LRRC7: variants seen among roughly 807,000 people sequenced by gnomAD.
LRRC7 encodes leucine-rich repeat-containing protein 7.
LRRC7 carries 23 observed loss-of-function variants against 175.7 expected under a neutral mutation model. The ratio of observed to expected loss-of-function variants is 0.13; its 90% CI spans 0.09 to 0.19. The LOEUF is 0.19. Ranked by LOEUF, LRRC7 falls within the 10% of genes least tolerant of loss-of-function variation. LRRC7 has a pLI of 1.00. For synonymous variants in LRRC7, 685 were observed against 680.9 expected, an observed-to-expected ratio of 1.01 and a Z score of -0.09; for missense variants, 1,354 against 1,904.7, an observed-to-expected ratio of 0.71 and a Z score of 5.38.
chr1:69,578,402 G>A (rs1453515977), intron 1 of LRRC7, among the ~76,000 whole-genome samples: 2 of 147,360 alleles, frequency 1.4e-5, no homozygotes, highest in Admixed American at 6.8e-5. Context: ...CAGGGATCTA[G>A]AACTAGAAAT....
chr1:69,852,246 A>ATATATCT (rs1264808176), intron 7 of LRRC7, among the ~76,000 whole-genome samples: 6 of 152,046 alleles, frequency 3.9e-5, no homozygotes, highest in Admixed American at 6.6e-5. Context: ...GAAAAACTAC[A>ATATATCT]TATATCTTAT....
At chr1:69,803,828 A>C (rs12402831) in intron 4 of LRRC7, among the ~76,000 whole-genome samples, 28,224 of 151,052 alleles carry the variant, frequency 0.19, 3,383 homozygotes, top group Middle Eastern at 0.35. Flanking sequence ...TCTTTCATAA[A>C]TCTCTACTAC....
At chr1:69,584,706 G>A (rs1569700855) in intron 1 of LRRC7, among the ~76,000 whole-genome samples, 1 of 151,994 alleles carries the variant, frequency 6.6e-6, no homozygotes, top group Non-Finnish European at 1.5e-5. Flanking sequence ...TTATTGCTTT[G>A]CAATTTCTTT....
chr1:69,882,390 A>C (rs1283953010), intron 7 of LRRC7, among the ~76,000 whole-genome samples: 2 of 152,162 alleles, frequency 1.3e-5, no homozygotes, highest in African/African-American at 4.8e-5. Flanking sequence ...AAAAAAATCA[A>C]AGAGAGATTT....
intron 23 of LRRC7, among the ~76,000 whole-genome samples, chr1:70,071,629 A>T (rs1313324383): frequency 1.3e-5 from 2 of 152,238 alleles, no homozygotes; most frequent in African/African-American, 4.8e-5. Flanking sequence ...TAAGTAAGTT[A>T]TCCTTTGGAG....
chr1:69,975,160 T>A (rs1652680484), intron 8 of LRRC7, among the ~76,000 whole-genome samples: 1 of 152,154 alleles, frequency 6.6e-6, no homozygotes, highest in Non-Finnish European at 1.5e-5. Context: ...TAGAGAAATT[T>A]CAGAGGTATG....
intron 1 of LRRC7, among the ~76,000 whole-genome samples, chr1:69,580,901 T>TTGA (rs1646173820): frequency 1.3e-5 from 2 of 152,300 alleles, no homozygotes; most frequent in East Asian, 3.9e-4. Flanking sequence ...AGTAGCATCT[T>TTGA]TGATGAACTG....
At chr1:69,760,883 A>G (rs1288162620) in intron 3 of LRRC7, among the ~76,000 whole-genome samples, 1 of 152,026 alleles carries the variant, frequency 6.6e-6, no homozygotes, top group Non-Finnish European at 1.5e-5. Flanking sequence ...TGATTATTAC[A>G]AGTAGCACTG....
At chr1:70,078,612 G>A (rs969731919) in intron 24 of LRRC7, among the ~76,000 whole-genome samples, 2 of 151,974 alleles carry the variant, frequency 1.3e-5, no homozygotes, top group African/African-American at 2.4e-5. Flanking sequence ...GAGATACTAG[G>A]ACTAGGTCTC....
intron 7 of LRRC7, among the ~76,000 whole-genome samples, chr1:69,873,120 A>G (rs1685717636): frequency 6.6e-6 from 1 of 152,142 alleles, no homozygotes; most frequent in African/African-American, 2.4e-5. Flanking sequence ...AGAAGCTTGG[A>G]AGTGATAGTG....
Position 70,099,453 on chromosome 1 carries a change from T to C in LRRC7, c.4546-8299T>C, listed in dbSNP as rs1664659198. 1.4e-5 allele frequency among the ~76,000 whole-genome samples: 2 copies of C among 147,812 alleles called. 1 individual carries two copies. Among genetic ancestry groups the C allele is most frequent in the South Asian group, 4.4e-4 (2 of 4,500 alleles). ...CTCTCACCACTCCTATTCAACATAG[T>C]GTTGGAAGTTCTGGCCAGGGCAATT... is the stretch of plus-strand genomic sequence containing the variant. On this transcript the variant is annotated intron_variant, in intron 25 of 26. Coordinates refer to ENST00000651989, the MANE Select transcript of LRRC7 (RefSeq NM_001370785.2).
intron 11 of LRRC7, among the ~76,000 whole-genome samples, chr1:70,006,097 C>G (rs1655971591): frequency 6.6e-6 from 1 of 151,786 alleles, no homozygotes; most frequent in South Asian, 2.1e-4. Context: ...AACAAAATAG[C>G]CACCAACAAG....
intron 8 of LRRC7, 130 bp downstream of exon 8, chr1:69,931,700 G>A: frequency 1.4e-6 from 1 of 740,658 alleles, no homozygotes; most frequent in South Asian, 1.8e-5. Flanking sequence ...TAAAAACCTG[G>A]AAGTTAATAT....
Position 69,904,315 on chromosome 1 carries a change from C to T in LRRC7, c.648-27192C>T, listed in dbSNP as rs1646229343. Among the ~76,000 whole-genome samples the T allele has an allele frequency of 2.0e-5, 3 of 151,946 alleles. No homozygotes were observed. In the South Asian group the frequency reaches 6.2e-4, roughly 31 times the overall value. ...CAATAAATATTAAAAAAGAAGAATA[C>T]TAATTTGAAAAATGTTAACATATTT... On this transcript the variant is annotated intron_variant, in intron 7 of 26. Transcript: ENST00000651989.
chr1:69,738,067 C>T (rs142532709), intron 2 of LRRC7, among the ~76,000 whole-genome samples: 215 of 152,068 alleles, frequency 1.4e-3, no homozygotes, highest in African/African-American at 4.5e-3. Flanking sequence ...CAGAGGATGA[C>T]ACATCTTGTC....
intron 7 of LRRC7, among the ~76,000 whole-genome samples, chr1:69,881,114 G>A (rs1350775104): frequency 6.6e-6 from 1 of 152,090 alleles, no homozygotes; most frequent in Admixed American, 6.5e-5. Flanking sequence ...TTGTTTCAAG[G>A]TCTGCTTTCT....
At position 69,827,420 on chromosome 1, in the gene LRRC7, A is replaced by G. The variant is rs186435150; in HGVS notation, c.500+1594A>G. ...ATAACTTTTTAAAAGATAAATAAAT[A>G]TGACCTATTTCAGCAAAAATGCATA... On this transcript the variant is annotated intron_variant, in intron 5 of 26. Transcript: ENST00000651989. Among the ~76,000 whole-genome samples, 230 of 152,308 alleles carry G rather than the reference A, an allele frequency of 1.5e-3. 7 individuals carry two copies. Among genetic ancestry groups the G allele is most frequent in the Admixed American group, 0.015 (227 of 15,286 alleles).
intron 3 of LRRC7, among the ~76,000 whole-genome samples, chr1:69,786,166 A>C (rs1435924821): frequency 2.0e-5 from 3 of 152,070 alleles, no homozygotes. Flanking sequence ...TCCTTAGAGG[A>C]GACTTGTATG....
chr1:69,999,667 T>C (rs985743146), intron 11 of LRRC7, among the ~76,000 whole-genome samples: 1 of 152,192 alleles, frequency 6.6e-6, no homozygotes, highest in Non-Finnish European at 1.5e-5. Context: ...AGGTGTTCTC[T>C]GACACTTCTG....
Sources: allele counts gnomAD v4.1 joint callset (sites outside exome capture counted in the v4.1 genomes callset), GRCh38; gene constraint gnomAD v4.1.1; transcripts MANE v1.5; gene names NCBI Gene and HGNC (gene_info 2026-07-23, HGNC 2026-07-21).